CRIM1: variants seen among roughly 807,000 people sequenced by gnomAD.
CRIM1 encodes cysteine rich transmembrane BMP regulator 1, also known as cysteine-rich motor neuron 1 protein.
A neutral mutation model predicts 116.4 loss-of-function variants in CRIM1; 32 were observed. The observed-to-expected ratio is 0.27, with a 90% CI of 0.21 to 0.37. CRIM1 has a LOEUF of 0.37. Among genes scored for constraint, CRIM1 ranks in the 10% least tolerant of loss-of-function variants. The probability of loss-of-function intolerance (pLI) is 1.00; values close to 1 mark genes in which losing one functional copy is unlikely to be tolerated. For missense variants in CRIM1, 1,331 were observed against 1,354.8 expected (o/e 0.98, Z 0.28); for synonymous variants, 590 against 509.2 (o/e 1.16, Z -2.13).
chr2:36,399,342 AG>A (rs1229296300), intron 2 of CRIM1, among the ~76,000 whole-genome samples: 1 of 152,234 alleles, frequency 6.6e-6, no homozygotes, highest in East Asian at 1.9e-4. Context: ...ATGGCAGTCA[AG>A]AGGCTCGTTG....
At chr2:36,484,057 G>A (rs1679627912) in intron 7 of CRIM1, among the ~76,000 whole-genome samples, 1 of 152,178 alleles carries the variant, frequency 6.6e-6, no homozygotes, top group Non-Finnish European at 1.5e-5. Flanking sequence ...CTTCTGATGG[G>A]CACTCAGCTC....
In CRIM1 at chr2:36,529,345, A is replaced by C. The variant is rs1665965135; in HGVS notation, c.2428+7032A>C. 5.1e-5 allele frequency: 14 copies of C among 276,840 alleles called. No homozygotes were observed. In the South Asian group the frequency reaches 5.3e-4, roughly 10 times the overall value. 17.1% of individuals were successfully genotyped at this position (276,840 alleles called of 1,614,324 possible). On this transcript the variant is annotated intron_variant, in intron 13 of 16. Transcript: ENST00000280527. ...CAATCTGGAAGGTCCAATGGCTTCT[A>C]CGTTAAGGTTTTCTTAACAAGATGG...
At chr2:36,427,490 C>T (rs1235771563) in intron 2 of CRIM1, among the ~76,000 whole-genome samples, 2 of 152,138 alleles carry the variant, frequency 1.3e-5, no homozygotes. Flanking sequence ...AGACAGAAAG[C>T]TTTCAGAGGT....
intron 4 of CRIM1, among the ~76,000 whole-genome samples, chr2:36,446,820 G>T (rs1676277779): frequency 6.6e-6 from 1 of 152,128 alleles, no homozygotes; most frequent in Non-Finnish European, 1.5e-5. Context: ...ACTACACAGT[G>T]ACAAAAAGGG....
chr2:36,453,004 G>A (rs540886379), intron 4 of CRIM1, among the ~76,000 whole-genome samples: 3 of 152,322 alleles, frequency 2.0e-5, no homozygotes, highest in African/African-American at 7.2e-5. Flanking sequence ...CTGCAAAAAT[G>A]CTTTGTGAAA....
chr2:36,540,859 A>T (rs150273699), intron 14 of CRIM1, among the ~76,000 whole-genome samples: 3 of 152,190 alleles, frequency 2.0e-5, no homozygotes, highest in African/African-American at 7.2e-5. Context: ...ATAGAGGTCA[A>T]TTCATTCTCC....
At chr2:36,405,330 C>T (rs1319073550) in intron 2 of CRIM1, among the ~76,000 whole-genome samples, 2 of 152,158 alleles carry the variant, frequency 1.3e-5, no homozygotes, top group African/African-American at 4.8e-5. Context: ...TTCATGGAGA[C>T]ACTTTTCAGC....
At chr2:36,491,531 T>C (rs935243136) in intron 7 of CRIM1, among the ~76,000 whole-genome samples, 6 of 152,198 alleles carry the variant, frequency 3.9e-5, no homozygotes, top group African/African-American at 1.4e-4. Context: ...TAGGACAATT[T>C]TGAATGGGAG....
chr2:36,522,689 C>G (rs1665478675), intron 13 of CRIM1, among the ~76,000 whole-genome samples: 1 of 151,542 alleles, frequency 6.6e-6, no homozygotes, highest in Non-Finnish European at 1.5e-5. Flanking sequence ...GTAATCCCAG[C>G]TACTCCGGAG....
At chr2:36,396,525 A>G in intron 1 of CRIM1, 89 bp from the exon 2 acceptor site, 1 of 768,338 alleles carries the variant, frequency 1.3e-6, no homozygotes, top group Non-Finnish European at 2.0e-6. Context: ...TTGAATGTTA[A>G]TCTTGACATC....
intron 2 of CRIM1, among the ~76,000 whole-genome samples, chr2:36,437,558 T>C (rs1312713692): frequency 1.1e-5 from 1 of 87,588 alleles, no homozygotes; most frequent in Non-Finnish European, 2.1e-5. Flanking sequence ...TGATTTAAAA[T>C]CCAACCGATT....
chr2:36,374,880 T>C (rs1187413013), intron 1 of CRIM1, among the ~76,000 whole-genome samples: 3 of 152,064 alleles, frequency 2.0e-5, no homozygotes, highest in South Asian at 2.1e-4. Context: ...TTTGATGTGC[T>C]TAGTATCACC....
intron 13 of CRIM1, among the ~76,000 whole-genome samples, chr2:36,532,341 T>C (rs1055874385): frequency 6.6e-6 from 1 of 152,208 alleles, no homozygotes; most frequent in Non-Finnish European, 1.5e-5. Context: ...TACCTCATGG[T>C]TTCCTTGGAA....
At chr2:36,504,078 T>G (rs1422259813) in intron 8 of CRIM1, among the ~76,000 whole-genome samples, 1 of 152,110 alleles carries the variant, frequency 6.6e-6, no homozygotes, top group Admixed American at 6.6e-5. Context: ...TTTGCCACAT[T>G]GTCCAGGCAG....
chr2:36,437,547 A>G, intron 2 of CRIM1, among the ~76,000 whole-genome samples: 1 of 130,660 alleles, frequency 7.7e-6, no homozygotes, highest in East Asian at 2.4e-4. Context: ...GAACACAAGG[A>G]TGATTTAAAA....
At position 36,547,113 on chromosome 2, in the gene CRIM1, T is replaced by C; in HGVS notation, c.2876T>C (p.Phe959Ser). 6.2e-7 allele frequency: 1 copy of C among 1,613,232 alleles called. No individual in the cohort carries two copies. Among genetic ancestry groups the C allele is most frequent in the Non-Finnish European group, 8.5e-7 (1 of 1,179,336 alleles). The change falls in exon 16 of 17, where the codon TTC becomes TCC. Residue 959 changes from phenylalanine to serine, a missense_variant. Around this residue, in one of 3 missense-constraint regions of CRIM1, gnomAD observed 283 missense variants for 242.8 expected, o/e 1.17. Transcript: ENST00000280527. The stretch of plus-strand genomic sequence containing the variant: ...CTCTCTATTATAATAGCATTCCTAT[T>C]CATCAATCAGAAGAAACAGTGGATA... ...ICLSIIIAFL[F>S]INQKKQWIPL... is the part of the protein sequence containing the mutation.
intron 5 of CRIM1, among the ~76,000 whole-genome samples, chr2:36,466,413 C>G (rs1678032039): frequency 6.6e-6 from 1 of 152,160 alleles, no homozygotes; most frequent in African/African-American, 2.4e-5. Flanking sequence ...TAAACACAAG[C>G]AAATGGCCAA....
intron 8 of CRIM1, among the ~76,000 whole-genome samples, chr2:36,501,646 C>A (rs982426626): frequency 1.3e-5 from 2 of 152,084 alleles, no homozygotes; most frequent in African/African-American, 4.8e-5. Flanking sequence ...CTCTTGAGCT[C>A]GGGAAGTCGA....
chr2:36,517,664 C>T lies in CRIM1; in HGVS notation c.2206+122C>T, dbSNP rs563124182. ...TGGGAGTGTGCCAAACCCAGTATCC[C>T]ATCAGGAACAGCTGGCAGCCTGCTT... is the stretch of plus-strand genomic sequence containing the variant. On this transcript the variant is annotated intron_variant, in intron 12 of 16. Coordinates refer to ENST00000280527, the MANE Select transcript of CRIM1 (RefSeq NM_016441.3). The T allele has an allele frequency of 1.4e-5, 12 of 883,364 alleles. No individual in the cohort carries two copies. The South Asian group carries it at 2.0e-4, about 15-fold the overall frequency. The allele number at this position is 883,364 out of a possible 1,614,324, so 54.7% of individuals were successfully genotyped here.
Sources: gnomAD v4.1 joint callset for allele counts (sites outside exome capture counted in the v4.1 genomes callset) on GRCh38, gnomAD v4.1.1 for gene constraint, gnomAD v4.1.1 regional missense constraint, MANE v1.5 for transcripts, NCBI Gene and HGNC (gene_info 2026-07-23, HGNC 2026-07-21) for gene names.